Variants in PIP5K1B observed in about 807,000 individuals in gnomAD.
PIP5K1B encodes the protein phosphatidylinositol-4-phosphate 5-kinase type 1 beta, also known as phosphatidylinositol 4-phosphate 5-kinase type-1 beta.
PIP5K1B carries 42 observed loss-of-function variants against 67.0 expected under a neutral mutation model. The ratio of observed to expected loss-of-function variants is 0.63; its 90% CI spans 0.49 to 0.81. PIP5K1B has a LOEUF of 0.81. Ranked by LOEUF, PIP5K1B falls within the 30% of genes least tolerant of loss-of-function variation. The pLI, the probability that PIP5K1B is intolerant of heterozygous loss-of-function variation, is 0.00. For missense variants in PIP5K1B, 459 were observed against 646.3 expected, an observed-to-expected ratio of 0.71 and a Z score of 3.14; for synonymous variants, 214 against 231.4, an observed-to-expected ratio of 0.92 and a Z score of 0.68.
intron 1 of PIP5K1B, among the ~76,000 whole-genome samples, chr9:68,738,919 C>G (rs1679817393): frequency 6.6e-6 from 1 of 152,092 alleles, no homozygotes; most frequent in Admixed American, 6.5e-5. Flanking sequence ...TTTTTGGGCT[C>G]AGGCCCATGC....
At chr9:68,730,145 C>T (rs1281836700) in intron 1 of PIP5K1B, among the ~76,000 whole-genome samples, 2 of 152,152 alleles carry the variant, frequency 1.3e-5, no homozygotes, top group Non-Finnish European at 2.9e-5. Flanking sequence ...AGCAAGTACA[C>T]TGATCAGGAT....
chr9:68,847,451 G>GTGTGTGTGTT (rs1442916461), intron 4 of PIP5K1B, among the ~76,000 whole-genome samples: 3 of 150,370 alleles, frequency 2.0e-5, no homozygotes, highest in Non-Finnish European at 4.4e-5. Flanking sequence ...GTGTGTGTGT[G>GTGTGTGTGTT]TGTGTGTGTG....
chr9:68,993,987 G>A lies in PIP5K1B; in HGVS notation c.1620+2730G>A, dbSNP rs1203989951. Among the ~76,000 whole-genome samples, 4 of 151,036 alleles carry A rather than the reference G, an allele frequency of 2.6e-5. No homozygotes were observed. In the East Asian group the frequency reaches 5.8e-4, roughly 22 times the overall value. ...GGATACAGAAAGGAAGGAATGAGGG[G>A]GTTTTATTGAGAATATTTTTTGTAA... On this transcript the variant is annotated intron_variant, in intron 15 of 15. Transcript: ENST00000265382.
intron 8 of PIP5K1B, among the ~76,000 whole-genome samples, chr9:68,912,918 A>C (rs1186566632): frequency 6.6e-6 from 1 of 152,242 alleles, no homozygotes; most frequent in African/African-American, 2.4e-5. Flanking sequence ...TAGGTCCCCA[A>C]ATCTACAGAA....
intron 14 of PIP5K1B, among the ~76,000 whole-genome samples, chr9:68,951,672 A>T (rs1345379832): frequency 6.6e-6 from 1 of 152,228 alleles, no homozygotes; most frequent in East Asian, 1.9e-4. Flanking sequence ...TTTGGCCATC[A>T]TGTCATCCAG....
intron 5 of PIP5K1B, among the ~76,000 whole-genome samples, chr9:68,867,760 G>C (rs1292401101): frequency 3.9e-5 from 6 of 152,162 alleles, no homozygotes; most frequent in African/African-American, 9.7e-5. Context: ...AGCCCATATG[G>C]GGATGAAGAA....
At chr9:68,779,563 A>C (rs993497401) in intron 2 of PIP5K1B, among the ~76,000 whole-genome samples, 1 of 152,188 alleles carries the variant, frequency 6.6e-6, no homozygotes, top group Non-Finnish European at 1.5e-5. Context: ...TAAAGACCAG[A>C]ATGTGGTCTG....
intron 2 of PIP5K1B, among the ~76,000 whole-genome samples, chr9:68,775,033 C>CA (rs1268026836): frequency 6.6e-6 from 1 of 152,212 alleles, no homozygotes; most frequent in Non-Finnish European, 1.5e-5. Flanking sequence ...GTGTAACCAT[C>CA]ACTTATTTGC....
At chr9:68,721,100 G>A (rs1430398812) in intron 1 of PIP5K1B, among the ~76,000 whole-genome samples, 1 of 152,206 alleles carries the variant, frequency 6.6e-6, no homozygotes, top group African/African-American at 2.4e-5. Flanking sequence ...GGCTGGAGAG[G>A]TGTATCGGGC....
intron 4 of PIP5K1B, among the ~76,000 whole-genome samples, chr9:68,826,124 A>G (rs1833966024): frequency 6.6e-6 from 1 of 152,244 alleles, no homozygotes; most frequent in Admixed American, 6.5e-5. Flanking sequence ...AAGAAGTTTG[A>G]TTTTAGCTGC....
chr9:68,828,948 A>G (rs1834137902), intron 4 of PIP5K1B, among the ~76,000 whole-genome samples: 1 of 151,774 alleles, frequency 6.6e-6, no homozygotes, highest in South Asian at 2.1e-4. Flanking sequence ...CTAAAAATAC[A>G]AAAATTTGCT....
chr9:68,988,297 G>A (rs912276198), intron 14 of PIP5K1B, among the ~76,000 whole-genome samples: 17 of 150,728 alleles, frequency 1.1e-4, no homozygotes, highest in Admixed American at 2.0e-4. Context: ...AGACACTTCC[G>A]GAATATTCTT....
intron 8 of PIP5K1B, among the ~76,000 whole-genome samples, chr9:68,915,385 G>A (rs1418654645): frequency 1.3e-5 from 2 of 152,016 alleles, no homozygotes. Flanking sequence ...AAAGGTTAAG[G>A]CCCTTCTACC....
At chr9:68,877,453 A>G (rs1207028098) in intron 6 of PIP5K1B, among the ~76,000 whole-genome samples, 1 of 152,162 alleles carries the variant, frequency 6.6e-6, no homozygotes, top group Non-Finnish European at 1.5e-5. Flanking sequence ...AAGTGAAAAA[A>G]TGGTTTGTTT....
At chr9:68,930,884 T>C (rs1826961948) in intron 12 of PIP5K1B, among the ~76,000 whole-genome samples, 1 of 152,180 alleles carries the variant, frequency 6.6e-6, no homozygotes, top group South Asian at 2.1e-4. Flanking sequence ...ATTTGATGAA[T>C]AATGCAATGA....
intron 2 of PIP5K1B, among the ~76,000 whole-genome samples, chr9:68,771,529 C>T (rs1830670148): frequency 6.6e-6 from 1 of 152,204 alleles, no homozygotes; most frequent in Non-Finnish European, 1.5e-5. Context: ...AATTCCTCTA[C>T]TGTCACCTCA....
intron 2 of PIP5K1B, chr9:68,784,255 G>C (rs1187110281): frequency 6.0e-6 from 1 of 167,058 alleles, no homozygotes; most frequent in African/African-American, 2.4e-5. Flanking sequence ...GCATTTTTAA[G>C]GTATTAGTAT....
At chr9:68,837,719 C>G (rs1221185710) in intron 4 of PIP5K1B, among the ~76,000 whole-genome samples, 1 of 148,558 alleles carries the variant, frequency 6.7e-6, no homozygotes, top group Non-Finnish European at 1.5e-5. Context: ...TAATGCCTTG[C>G]TTTAATTTTA....
At chr9:68,950,778 T>G (rs1408237626) in intron 14 of PIP5K1B, among the ~76,000 whole-genome samples, 2 of 152,366 alleles carry the variant, frequency 1.3e-5, no homozygotes, top group African/African-American at 4.8e-5. Context: ...AGTAGAAAGT[T>G]GGTCCCGACA....
Sources: allele counts gnomAD v4.1 joint callset (sites outside exome capture counted in the v4.1 genomes callset), GRCh38; gene constraint gnomAD v4.1.1; transcripts MANE v1.5; gene names NCBI Gene and HGNC (gene_info 2026-07-23, HGNC 2026-07-21).